ICAM2: variants seen among roughly 807,000 people sequenced by gnomAD.
ICAM2 encodes the protein ICAM-2.
Under a neutral mutation model 19.1 loss-of-function variants are expected in ICAM2, and 14 were observed. That is an observed-to-expected ratio of 0.73 (90% confidence interval 0.48 to 1.15). The LOEUF is 1.15. Ranked by LOEUF, ICAM2 falls within the 50% of genes most tolerant of loss-of-function variation. The probability of loss-of-function intolerance (pLI) is 0.00; values close to 1 mark genes in which losing one functional copy is unlikely to be tolerated. For missense variants in ICAM2, 311 were observed against 355.4 expected (o/e 0.88, Z 1.00); for synonymous variants, 153 against 152.7 (o/e 1.00, Z -0.01).
chr17:64,007,470 T>C (rs1490481920), intron 1 of ICAM2, among the ~76,000 whole-genome samples: 2 of 152,044 alleles, frequency 1.3e-5, no homozygotes, highest in Non-Finnish European at 2.9e-5. Flanking sequence ...CCATGTTGTC[T>C]AGGCTGGTCT....
At chr17:64,004,636 C>T (rs1250123401) in intron 3 of ICAM2, 4 of 230,290 alleles carry the variant, frequency 1.7e-5, no homozygotes, top group African/African-American at 8.9e-5. Flanking sequence ...CTATCCCAGC[C>T]CATCTGGAAG....
In ICAM2 at chr17:64,012,817, C is replaced by T. The variant is rs561936870; in HGVS notation, c.-44-6082G>A. On this transcript the variant is annotated intron_variant, in intron 1 of 4. Coordinates refer to ENST00000579788, the MANE Select transcript of ICAM2 (RefSeq NM_001099789.2). ...ATTTTATATTAGGGACTTGAGCATC[C>T]TCAAATTTTGGTATCTGTTGGGAGG... 3.9e-4 allele frequency among the ~76,000 whole-genome samples: 60 copies of T among 152,246 alleles called. 2 individuals carry two copies. The South Asian group carries it at 0.012, about 30-fold the overall frequency.
At chr17:64,004,860 G>T (rs145804188) in intron 3 of ICAM2, 1 of 584,924 alleles carries the variant, frequency 1.7e-6, no homozygotes, top group South Asian at 2.0e-5. Flanking sequence ...TTGGCTAAAT[G>T]TTGGTTAGAT....
chr17:64,011,416 C>T (rs188092169), intron 1 of ICAM2, among the ~76,000 whole-genome samples: 4 of 151,922 alleles, frequency 2.6e-5, no homozygotes, highest in East Asian at 1.9e-4. Context: ...GAGCCGAGAT[C>T]GCGCCACTGC....
chr17:64,020,046 T>C (rs1330935793), intron 1 of ICAM2, among the ~76,000 whole-genome samples: 1 of 151,728 alleles, frequency 6.6e-6, no homozygotes, highest in Non-Finnish European at 1.5e-5. Flanking sequence ...CATGGGAATG[T>C]GAGCCATGGG....
chr17:64,018,713 C>CTT lies in ICAM2; in HGVS notation c.-45+1808_-45+1809dup, dbSNP rs67934258. On this transcript the variant is annotated intron_variant, in intron 1 of 4. Transcript: ENST00000579788. ...CAGACATGTCTTTGTGTTTACTTCT[C>CTT]TTTTTTTTTTTTTTTTTTTTTTTTT... 5.9e-3 allele frequency among the ~76,000 whole-genome samples: 374 copies of CTT among 62,914 alleles called. 48 individuals carry two copies. Among genetic ancestry groups the CTT allele is most frequent in the African/African-American group, 0.022 (356 of 16,334 alleles). The allele number at this position is 62,914 out of a possible 152,430, so 41.3% of individuals were successfully genotyped here.
chr17:64,003,498 G>A (rs984389126), intron 4 of ICAM2, 146 bp downstream of exon 4: 27 of 746,282 alleles, frequency 3.6e-5, no homozygotes, highest in Non-Finnish European at 4.9e-5. Flanking sequence ...AAGAACTTCA[G>A]GGAAGAGGGA....
rs1233710817 is a variant in ICAM2 at position 64,006,637 on chromosome 17, A to G, written c.55T>C (p.Cys19Arg). Residue 19 changes from cysteine (C) to arginine (R), a missense_variant, in exon 2 of 5, where the codon TGT becomes CGT. Physicochemically the swap from Cys to Arg is radical, Grantham distance 180. Transcript: ENST00000579788. ...LTVALFTLIC[C>R]PGSDEKVFEV... ...CCCCAGGAAACTGGCTTACCTGGAC[A>G]GCAGATCAGGGTGAAGAGGGCCACA... The G allele has an allele frequency of 6.2e-7, 1 of 1,614,146 alleles. No individual in the cohort carries two copies. Among genetic ancestry groups the G allele is most frequent in the Admixed American group, 1.7e-5 (1 of 60,026 alleles).
intron 1 of ICAM2, among the ~76,000 whole-genome samples, chr17:64,019,434 T>C (rs961262685): frequency 1.3e-5 from 2 of 151,724 alleles, no homozygotes; most frequent in Non-Finnish European, 2.9e-5. Context: ...GAGATGCATA[T>C]GTAATAAAGC....
chr17:64,019,102 A>G (rs144969601), intron 1 of ICAM2, among the ~76,000 whole-genome samples: 170 of 152,312 alleles, frequency 1.1e-3, no homozygotes, highest in African/African-American at 2.9e-3. Flanking sequence ...AAAGGAATCA[A>G]TAATAGTATC....
intron 2 of ICAM2, among the ~76,000 whole-genome samples, chr17:64,005,593 C>A (rs958022002): frequency 2.0e-5 from 3 of 152,124 alleles, no homozygotes; most frequent in African/African-American, 7.2e-5. Context: ...CTTCCTCCAG[C>A]CCCCTAGCTG....
chr17:64,006,922 G>T lies in ICAM2; in HGVS notation c.-44-187C>A. ...AGCTGGGAAGCTGCTGATAAGCAGG[G>T]CATAACCCAGTCCTCCCTGCTGACT... On this transcript the variant is annotated intron_variant, in intron 1 of 4. Coordinates refer to ENST00000579788, the MANE Select transcript of ICAM2 (RefSeq NM_001099789.2). The T allele has an allele frequency of 6.9e-6, 4 of 579,850 alleles. No homozygotes were observed. In the East Asian group the frequency reaches 8.6e-5, roughly 13 times the overall value. 35.9% of individuals were successfully genotyped at this position (579,850 alleles called of 1,614,324 possible). A position where few individuals can be genotyped will look rare whatever the true frequency, so the allele number is the denominator to read the frequency against.
At chr17:64,019,556 C>T (rs1368813829) in intron 1 of ICAM2, among the ~76,000 whole-genome samples, 1 of 152,208 alleles carries the variant, frequency 6.6e-6, no homozygotes, top group East Asian at 1.9e-4. Flanking sequence ...TGGCTCACGC[C>T]TGTAATCCCA....
intron 1 of ICAM2, among the ~76,000 whole-genome samples, chr17:64,011,689 A>G (rs1192029271): frequency 6.6e-6 from 1 of 152,166 alleles, no homozygotes; most frequent in Admixed American, 6.5e-5. Context: ...CCTTGAACCC[A>G]GGAGTTTGAG....
intron 1 of ICAM2, among the ~76,000 whole-genome samples, chr17:64,009,341 T>C (rs1307084927): frequency 1.3e-5 from 2 of 151,428 alleles, no homozygotes; most frequent in African/African-American, 4.9e-5. Flanking sequence ...CTCCTGCTAC[T>C]GCTAAAGTCT....
intron 4 of ICAM2, chr17:64,003,158 T>C: frequency 1.9e-6 from 1 of 533,942 alleles, no homozygotes. Flanking sequence ...TGTGTGGCTG[T>C]GAGGGCAGAT....
At chr17:64,020,053 T>C (rs1206770806) in intron 1 of ICAM2, among the ~76,000 whole-genome samples, 2 of 151,804 alleles carry the variant, frequency 1.3e-5, no homozygotes, top group Non-Finnish European at 2.9e-5. Flanking sequence ...ATGTGAGCCA[T>C]GGGTTAGGAA....
At chr17:64,006,377 C>A (rs1911208625) in intron 2 of ICAM2, 2 of 455,360 alleles carry the variant, frequency 4.4e-6, no homozygotes, top group African/African-American at 4.0e-5. Flanking sequence ...GTGGCTCTCA[C>A]CTGTGATCCC....
At chr17:64,004,292 G>A (rs1911050549) in intron 3 of ICAM2, 1 of 294,182 alleles carries the variant, frequency 3.4e-6, no homozygotes, top group African/African-American at 2.2e-5. Flanking sequence ...TAAACAGTTG[G>A]GTGATCACGT....
Sources: allele counts gnomAD v4.1 joint callset (sites outside exome capture counted in the v4.1 genomes callset), GRCh38; gene constraint gnomAD v4.1.1; transcripts MANE v1.5; gene names NCBI Gene and HGNC (gene_info 2026-07-23, HGNC 2026-07-21).